RYR2: variants seen among roughly 807,000 people sequenced by gnomAD.
The protein encoded by RYR2 is cardiac muscle ryanodine receptor-calcium release channel.
RYR2 carries 227 observed loss-of-function variants against 601.1 expected under a neutral mutation model. That is an observed-to-expected ratio of 0.38 (90% confidence interval 0.34 to 0.42). The LOEUF (loss-of-function observed/expected upper bound fraction) is 0.42, where lower values mean the gene tolerates loss of function less well. RYR2 is among the 10% of genes least tolerant of loss of function. RYR2 has a pLI of 1.00. For missense variants in RYR2, 4,646 were observed against 6,156.5 expected, an observed-to-expected ratio of 0.75 and a Z score of 8.21; for synonymous variants, 2,223 against 2,175.1, an observed-to-expected ratio of 1.02 and a Z score of -0.61.
chr1:237,717,284 G>C lies in RYR2; in HGVS notation c.10410G>C (p.Leu3470=). The change falls in exon 72 of 105, where the codon CTG becomes CTC. Residue 3470 remains leucine (L), a synonymous_variant. Coordinates refer to ENST00000366574, the MANE Select transcript of RYR2 (RefSeq NM_001035.3). ...SMQTSLIVAA[L]KRLLPIGLNI... ...AGACCTCTCTGATTGTAGCAGCTCT[G>C]AAGCGGTTACTGCCCATTGGGTTGA... 1 of 1,613,626 alleles carries C rather than the reference G, an allele frequency of 6.2e-7. No individual in the cohort carries two copies. The highest frequency in any genetic ancestry group is 8.5e-7 in the Non-Finnish European group (1 of 1,179,630).
At chr1:237,798,776 T>TCACA (rs72164792) in intron 97 of RYR2, among the ~76,000 whole-genome samples, 19 of 135,332 alleles carry the variant, frequency 1.4e-4, no homozygotes, top group East Asian at 1.3e-3. Flanking sequence ...AATTTAAATG[T>TCACA]CACACACACA....
intron 63 of RYR2, among the ~76,000 whole-genome samples, chr1:237,692,428 C>T (rs1687025911): frequency 6.6e-6 from 1 of 152,184 alleles, no homozygotes; most frequent in African/African-American, 2.4e-5. Flanking sequence ...AAACACACTT[C>T]TCTGATTACA....
chr1:237,178,782 G>A (rs945698549), intron 1 of RYR2, among the ~76,000 whole-genome samples: 6 of 152,178 alleles, frequency 3.9e-5, no homozygotes, highest in Non-Finnish European at 7.4e-5. Flanking sequence ...TCTAGCCTGG[G>A]TGACACAGCG....
At chr1:237,760,646 T>C (rs1693348035) in intron 83 of RYR2, among the ~76,000 whole-genome samples, 1 of 152,304 alleles carries the variant, frequency 6.6e-6, no homozygotes, top group South Asian at 2.1e-4. Context: ...CTATTCCAAC[T>C]GCAAAAACAT....
chr1:237,157,058 G>A (rs1675428160), intron 1 of RYR2, among the ~76,000 whole-genome samples: 1 of 152,156 alleles, frequency 6.6e-6, no homozygotes, highest in Non-Finnish European at 1.5e-5. Flanking sequence ...CACTTTGGGA[G>A]GCCGAGGCGG....
At chr1:237,738,685 A>G (rs1005555454) in intron 79 of RYR2, among the ~76,000 whole-genome samples, 1 of 150,632 alleles carries the variant, frequency 6.6e-6, no homozygotes, top group Non-Finnish European at 1.5e-5. Context: ...GTTGGAGTTC[A>G]TTTTTTTTTA....
chr1:237,471,665 T>A (rs774758194), intron 17 of RYR2, among the ~76,000 whole-genome samples: 14 of 152,190 alleles, frequency 9.2e-5, no homozygotes, highest in Admixed American at 2.6e-4. Context: ...GAGCCAAGCA[T>A]CCTTTAAGGT....
chr1:237,049,051 G>A (rs1660933497), intron 1 of RYR2, among the ~76,000 whole-genome samples: 1 of 152,150 alleles, frequency 6.6e-6, no homozygotes, highest in African/African-American at 2.4e-5. Context: ...AGGTGTGTAG[G>A]GTGAGAGAGG....
intron 16 of RYR2, among the ~76,000 whole-genome samples, chr1:237,458,291 TG>T (rs1659073164): frequency 6.6e-6 from 1 of 152,010 alleles, no homozygotes; most frequent in East Asian, 1.9e-4. Flanking sequence ...TAGCCGAGCG[TG>T]GTGGCGGGAG....
At chr1:237,360,226 A>T (rs746081613) in intron 4 of RYR2, among the ~76,000 whole-genome samples, 2 of 152,180 alleles carry the variant, frequency 1.3e-5, no homozygotes, top group Admixed American at 6.5e-5. Flanking sequence ...GCAATTTTTT[A>T]TGTGTAGGTG....
chr1:237,777,662 C>A (rs552426272), intron 87 of RYR2, among the ~76,000 whole-genome samples: 1 of 152,140 alleles, frequency 6.6e-6, no homozygotes. Flanking sequence ...AAACAGTCTG[C>A]GTGCTACAGC....
intron 1 of RYR2, among the ~76,000 whole-genome samples, chr1:237,245,587 C>A (rs1392738354): frequency 6.6e-6 from 1 of 151,996 alleles, no homozygotes; most frequent in East Asian, 1.9e-4. Flanking sequence ...AAGTTGTCAA[C>A]CGTGTATCAA....
At chr1:237,641,794 G>A (rs572257220) in intron 47 of RYR2, among the ~76,000 whole-genome samples, 6 of 152,242 alleles carry the variant, frequency 3.9e-5, no homozygotes, top group East Asian at 1.9e-4. Flanking sequence ...CAACTGCCTC[G>A]GCCTCCCAAA....
chr1:237,807,275 T>C (rs763023623), intron 99 of RYR2, among the ~76,000 whole-genome samples: 119 of 152,320 alleles, frequency 7.8e-4, no homozygotes, highest in Non-Finnish European at 1.4e-3. Context: ...AATGTATGTG[T>C]GTTTCTACAT....
At chr1:237,503,736 C>A (rs552571279) in intron 22 of RYR2, among the ~76,000 whole-genome samples, 1 of 152,140 alleles carries the variant, frequency 6.6e-6, no homozygotes, top group African/African-American at 2.4e-5. Flanking sequence ...GTGATGGAGT[C>A]GTGCTCTGTT....
chr1:237,396,578 G>T (rs1271365392), intron 10 of RYR2, among the ~76,000 whole-genome samples: 1 of 152,118 alleles, frequency 6.6e-6, no homozygotes, highest in Non-Finnish European at 1.5e-5. Flanking sequence ...TTTGCCTGAG[G>T]GGAGGTTTGA....
chr1:237,360,613 T>G (rs903517217), intron 4 of RYR2, among the ~76,000 whole-genome samples: 1 of 152,202 alleles, frequency 6.6e-6, no homozygotes, highest in African/African-American at 2.4e-5. Flanking sequence ...AAAAAGAACT[T>G]GCTACAAATC....
chr1:237,492,351 CA>C (rs1350801372), intron 18 of RYR2, among the ~76,000 whole-genome samples: 1 of 152,122 alleles, frequency 6.6e-6, no homozygotes, highest in African/African-American at 2.4e-5. Flanking sequence ...TAATCATGAT[CA>C]AGTAATATTT....
intron 1 of RYR2, among the ~76,000 whole-genome samples, chr1:237,139,035 T>C (rs1014558711): frequency 1.3e-5 from 2 of 152,144 alleles, no homozygotes; most frequent in Non-Finnish European, 2.9e-5. Flanking sequence ...CTCCTATATA[T>C]ACCCTAGAGA....
Sources: gnomAD v4.1 joint callset for allele counts (sites outside exome capture counted in the v4.1 genomes callset) on GRCh38, gnomAD v4.1.1 for gene constraint, MANE v1.5 for transcripts, NCBI Gene and HGNC (gene_info 2026-07-23, HGNC 2026-07-21) for gene names.